Variants in LHX4 observed in about 807,000 individuals in gnomAD.
LHX4 encodes the protein LIM homeobox 4, also known as LIM/homeobox protein Lhx4.
A neutral mutation model predicts 39.2 loss-of-function variants in LHX4; 16 were observed. The ratio of observed to expected loss-of-function variants is 0.41; its 90% CI spans 0.28 to 0.62. The LOEUF is 0.62. LHX4 is among the 20% of genes least tolerant of loss of function. LHX4 has a pLI of 0.33. For missense variants in LHX4, 439 were observed against 511.9 expected, an observed-to-expected ratio of 0.86 and a Z score of 1.37; for synonymous variants, 206 against 198.1, an observed-to-expected ratio of 1.04 and a Z score of -0.33.
At position 180,277,882 on chromosome 1, in the gene LHX4, G is replaced by GGA. The variant is rs1649132690; in HGVS notation, c.*3304_*3305insAG. 1 of 149,648 alleles carries GGA rather than the reference G, an allele frequency of 6.7e-6. No homozygotes were observed. The highest frequency in any genetic ancestry group is 1.5e-5 in the Non-Finnish European group (1 of 67,298). The allele number at this position is 149,648 out of a possible 1,614,324, so 9.3% of individuals were successfully genotyped here. A position where few individuals can be genotyped will look rare whatever the true frequency, so the allele number is the denominator to read the frequency against. ...CAGTGTCCTTAAACTTTTTTTGGGGGGGGGCAGTGTAAAACATGAAACCTA... is the reference window on the plus strand; with the variant it reads ...CAGTGTCCTTAAACTTTTTTTGGGGGGAGGGGCAGTGTAAAACATGAAACCTA... On this transcript the variant is annotated 3_prime_UTR_variant, in exon 6 of 6. Transcript: ENST00000263726.
Position 180,266,583 on chromosome 1 carries a change from C to G in LHX4, c.440C>G (p.Ala147Gly). ...GTGTGCAAGGAAGACTACGAGACAG[C>G]CAAGCAGAACGGTAAGCAGCATGGC... ...RLVCKEDYET[A>G]KQNDDSEAGA... is the part of the protein sequence containing the mutation. Residue 147 changes from alanine (A) to glycine (G), a missense_variant, in exon 3 of 6, where the codon GCC (alanine) becomes GGC (glycine). Ala to Gly is a moderately conservative substitution (Grantham distance 60). Coordinates refer to ENST00000263726, the MANE Select transcript of LHX4 (RefSeq NM_033343.4). This position sits in a 1 kb window ranked among gnomAD's most constrained non-coding sequence, Gnocchi z 5.7. 1 of 1,614,058 alleles carries G rather than the reference C, an allele frequency of 6.2e-7. No individual in the cohort carries two copies.
At chr1:180,233,713 C>T (rs929632220) in intron 1 of LHX4, among the ~76,000 whole-genome samples, 3 of 152,076 alleles carry the variant, frequency 2.0e-5, no homozygotes, top group African/African-American at 7.2e-5. Flanking sequence ...GGAAGCCCGC[C>T]GCCCGGATCG....
chr1:180,258,939 A>G (rs1647985517), intron 2 of LHX4, among the ~76,000 whole-genome samples: 1 of 152,184 alleles, frequency 6.6e-6, no homozygotes, highest in Non-Finnish European at 1.5e-5. Context: ...GAATGAAGTT[A>G]CAGTGGTCTG....
Position 180,266,527 on chromosome 1 carries a change from C to G in LHX4, c.384C>G (p.Asp128Glu), listed in dbSNP as rs141139762. ...IICNRQLATG[D>E]EFYLMEDGRL... Reference sequence around the variant, plus strand: ...GCAACCGGCAGCTGGCCACGGGGGACGAATTCTACCTCATGGAGGACGGGC... The same window carrying G: ...GCAACCGGCAGCTGGCCACGGGGGAGGAATTCTACCTCATGGAGGACGGGC... Residue 128 changes from aspartate to glutamate, a missense_variant, in exon 3 of 6, where the codon GAC becomes GAG. Coordinates refer to ENST00000263726, the MANE Select transcript of LHX4 (RefSeq NM_033343.4). The surrounding 1 kb of genome is among the most constrained non-coding windows in gnomAD (Gnocchi z 5.7). 1 of 1,614,168 alleles carries G rather than the reference C, an allele frequency of 6.2e-7. No individual in the cohort carries two copies. The highest frequency in any genetic ancestry group is 1.3e-5 in the African/African-American group (1 of 75,028).
chr1:180,238,037 A>G (rs185219694), intron 1 of LHX4, among the ~76,000 whole-genome samples: 3 of 152,346 alleles, frequency 2.0e-5, no homozygotes, highest in Non-Finnish European at 2.9e-5. Context: ...GAAGAATACT[A>G]ATTACGTGAC....
chr1:180,272,096 G>GACGGAGTCTC, intron 5 of LHX4, 90 bp downstream of exon 5: 1 of 1,239,560 alleles, frequency 8.1e-7, no homozygotes, highest in South Asian at 1.6e-5. Context: ...TCTTTCTTGA[G>GACGGAGTCTC]GCCTTGGCAA....
chr1:180,229,411 TGCGGGGACGCGC>T (rs1431853248), upstream of LHX4, among the ~76,000 whole-genome samples: 1 of 152,060 alleles, frequency 6.6e-6, no homozygotes, highest in African/African-American at 2.4e-5. Flanking sequence ...GGCCGCGGTC[TGCGGGGACGCGC>T]GCGGGGGGCC....
Position 180,274,466 on chromosome 1 carries a change from G to C in LHX4, c.1060G>C (p.Ala354Pro). ...AGQGVSQTLR[A>P]MAGGPTSDIS... is the part of the protein sequence containing the mutation. ...GCAGGGAGTAAGCCAGACGCTGAGA[G>C]CCATGGCTGGGGGACCCACCTCTGA... Residue 354 changes from alanine to proline, a missense_variant, in exon 6 of 6, where the codon GCC (alanine) becomes CCC (proline). Ala to Pro is a conservative substitution (Grantham distance 27). Coordinates refer to ENST00000263726, the MANE Select transcript of LHX4 (RefSeq NM_033343.4). The C allele has an allele frequency of 6.2e-7, 1 of 1,614,120 alleles. No homozygotes were observed.
At chr1:180,261,386 T>G (rs1030747587) in intron 2 of LHX4, among the ~76,000 whole-genome samples, 1 of 151,974 alleles carries the variant, frequency 6.6e-6, no homozygotes, top group African/African-American at 2.4e-5. Context: ...AGGGGATGGC[T>G]CACACCTGTA....
chr1:180,269,305 T>C (rs1648487316), intron 3 of LHX4, among the ~76,000 whole-genome samples: 1 of 152,232 alleles, frequency 6.6e-6, no homozygotes, highest in Non-Finnish European at 1.5e-5. Context: ...TTGGCCTTCC[T>C]CATAGCGTTT....
chr1:180,258,846 A>G (rs547090529), intron 2 of LHX4, among the ~76,000 whole-genome samples: 76 of 151,582 alleles, frequency 5.0e-4, no homozygotes, highest in Admixed American at 1.6e-3. Context: ...AATAATTATT[A>G]TTATTCTGAG....
chr1:180,272,673 T>A (rs191110946), intron 5 of LHX4: 1 of 152,372 alleles, frequency 6.6e-6, no homozygotes, highest in African/African-American at 2.4e-5. Context: ...GGTACTGAGT[T>A]CTCAAATGTG....
In LHX4 at chr1:180,256,970, T is replaced by C. The variant is rs572970413; in HGVS notation, c.248+8514T>C. Among the ~76,000 whole-genome samples the C allele has an allele frequency of 4.6e-5, 7 of 152,338 alleles. No individual in the cohort carries two copies. In the South Asian group the frequency reaches 1.4e-3, roughly 32 times the overall value. ...TACAAGGGCAGGTGTGTGGTTTGAA[T>C]GAGATGCCTCGCATGAAGTTGCCTG... On this transcript the variant is annotated intron_variant, in intron 2 of 5. Transcript: ENST00000263726.
chr1:180,261,331 G>C (rs899081590), intron 2 of LHX4, among the ~76,000 whole-genome samples: 7 of 150,910 alleles, frequency 4.6e-5, no homozygotes, highest in African/African-American at 1.5e-4. Context: ...CCTGTACATG[G>C]ATGGAAGGAG....
At chr1:180,244,253 T>C (rs1647303310) in intron 1 of LHX4, among the ~76,000 whole-genome samples, 1 of 152,182 alleles carries the variant, frequency 6.6e-6, no homozygotes, top group South Asian at 2.1e-4. Context: ...TACAGTGGAA[T>C]AGAAAAGGTT....
At chr1:180,231,590 G>T (rs1031942526) in intron 1 of LHX4, among the ~76,000 whole-genome samples, 1 of 149,914 alleles carries the variant, frequency 6.7e-6, no homozygotes, top group African/African-American at 2.4e-5. Context: ...CAAGCGCCGG[G>T]AGAGTCCTGC....
chr1:180,248,887 C>T (rs115250906), intron 2 of LHX4, among the ~76,000 whole-genome samples: 1,981 of 152,338 alleles, frequency 0.013, 40 homozygotes, highest in African/African-American at 0.043. Flanking sequence ...CATCCAGAGG[C>T]GTCTCTGTGA....
At chr1:180,259,228 C>T (rs1441242440) in intron 2 of LHX4, among the ~76,000 whole-genome samples, 2 of 152,086 alleles carry the variant, frequency 1.3e-5, no homozygotes, top group East Asian at 1.9e-4. Context: ...GGGAGCTGAC[C>T]GCTGGGCTGC....
chr1:180,271,826 G>A lies in LHX4; in HGVS notation c.607-9G>A. On this transcript the variant is annotated splice_polypyrimidine_tract_variant and intron_variant, in intron 4 of 5. Coordinates refer to ENST00000263726, the MANE Select transcript of LHX4 (RefSeq NM_033343.4). ...CCCCCTGAGTATGTCCCTTGTGCTTGTGTGGCAGGTTTGGTTTCAGAACAG... is the reference window on the plus strand; with the variant it reads ...CCCCCTGAGTATGTCCCTTGTGCTTATGTGGCAGGTTTGGTTTCAGAACAG... The A allele has an allele frequency of 6.2e-7, 1 of 1,613,936 alleles. No homozygotes were observed. The highest frequency in any genetic ancestry group is 1.3e-5 in the African/African-American group (1 of 74,960).
Sources: allele counts gnomAD v4.1 joint callset (sites outside exome capture counted in the v4.1 genomes callset), GRCh38; gene constraint gnomAD v4.1.1; non-coding constraint Gnocchi (gnomAD v3.1); transcripts MANE v1.5; gene names NCBI Gene and HGNC (gene_info 2026-07-23, HGNC 2026-07-21).